Variants in PAPPA2 observed in about 807,000 individuals in gnomAD.
PAPPA2 encodes pappalysin-2.
PAPPA2 carries 86 observed loss-of-function variants against 176.4 expected under a neutral mutation model. The observed-to-expected ratio is 0.49, with a 90% confidence interval of 0.41 to 0.58. PAPPA2 has a LOEUF of 0.58. PAPPA2 is among the 20% of genes least tolerant of loss of function. The pLI is 0.00. For missense variants in PAPPA2, 2,073 were observed against 2,256.9 expected (o/e 0.92, Z 1.65); for synonymous variants, 809 against 852.2 (o/e 0.95, Z 0.88).
intron 3 of PAPPA2, chr1:176,616,862 A>C (rs565371319): frequency 1.2e-4 from 61 of 502,436 alleles, no homozygotes; most frequent in South Asian, 1.2e-3. Flanking sequence ...TGATTCAAAG[A>C]AACTGAAGTC....
At chr1:176,679,938 T>C (rs998574423) in intron 4 of PAPPA2, among the ~76,000 whole-genome samples, 4 of 152,158 alleles carry the variant, frequency 2.6e-5, no homozygotes, top group Non-Finnish European at 5.9e-5. Context: ...TGATGTTCAA[T>C]AGGGACTCCA....
intron 2 of PAPPA2, among the ~76,000 whole-genome samples, chr1:176,591,104 C>T (rs1653634616): frequency 6.6e-6 from 1 of 150,850 alleles, no homozygotes; most frequent in Non-Finnish European, 1.5e-5. Flanking sequence ...CACACACACA[C>T]ACACACACAC....
At position 176,692,172 on chromosome 1, in the gene PAPPA2, G is replaced by A. The variant is rs1324988774; in HGVS notation, c.2478G>A (p.Met826Ile). 3.7e-6 allele frequency: 6 copies of A among 1,614,078 alleles called. No homozygotes were observed. The highest frequency in any genetic ancestry group is 1.7e-5 in the Admixed American group (1 of 60,028). Residue 826 changes from methionine to isoleucine, a missense_variant, in exon 6 of 23, where the codon ATG (methionine) becomes ATA (isoleucine). By Grantham distance (10) the Met-to-Ile change is conservative. This residue lies in a region of PAPPA2 where 1,196 missense variants were observed against 1,330.4 expected (regional missense o/e 0.90). Transcript: ENST00000367662. ...TCACTCCTAACCAAGTGGCCCGAAT[G>A]CATTGCTATTTGGACCTAGTCTATC... ...DNFTPNQVARMHCYLDLVYQQ... is the reference protein window; with the variant it reads ...DNFTPNQVARIHCYLDLVYQQ...
chr1:176,578,902 G>A (rs1480458762), intron 2 of PAPPA2, among the ~76,000 whole-genome samples: 3 of 152,082 alleles, frequency 2.0e-5, no homozygotes, highest in East Asian at 1.9e-4. Flanking sequence ...CCCTTTTGTC[G>A]CTACCATAAA....
At chr1:176,495,914 T>C (rs564161343) in intron 1 of PAPPA2, among the ~76,000 whole-genome samples, 4 of 152,232 alleles carry the variant, frequency 2.6e-5, no homozygotes, top group African/African-American at 7.2e-5. Context: ...AGTATAGGCA[T>C]GAGCTATTAT....
chr1:176,722,419 CTTTTTTTT>C (rs34221424), intron 12 of PAPPA2, among the ~76,000 whole-genome samples: 1 of 124,032 alleles, frequency 8.1e-6, no homozygotes, highest in Admixed American at 8.3e-5. Context: ...TATACATTTC[CTTTTTTTT>C]TTTTTTTTTT....
At chr1:176,523,474 TC>T (rs1649313748) in intron 1 of PAPPA2, among the ~76,000 whole-genome samples, 1 of 152,192 alleles carries the variant, frequency 6.6e-6, no homozygotes, top group Non-Finnish European at 1.5e-5. Context: ...CATCACCAGC[TC>T]AACATTATTT....
chr1:176,515,343 G>A (rs1648848602), intron 1 of PAPPA2, among the ~76,000 whole-genome samples: 1 of 152,146 alleles, frequency 6.6e-6, no homozygotes, highest in South Asian at 2.1e-4. Context: ...ATGAGTGGGA[G>A]TTTGATAGCC....
At chr1:176,698,397 A>G (rs186211341) in intron 7 of PAPPA2, among the ~76,000 whole-genome samples, 4 of 152,334 alleles carry the variant, frequency 2.6e-5, no homozygotes, top group Admixed American at 2.6e-4. Flanking sequence ...CCATCACACG[A>G]CAGAAAAGAA....
chr1:176,507,929 T>C (rs962699255), intron 1 of PAPPA2, among the ~76,000 whole-genome samples: 1 of 151,782 alleles, frequency 6.6e-6, no homozygotes, highest in African/African-American at 2.4e-5. Context: ...AAAAATTATA[T>C]AAAAAGCAGA....
At chr1:176,537,138 C>G (rs937728009) in intron 1 of PAPPA2, among the ~76,000 whole-genome samples, 2 of 152,162 alleles carry the variant, frequency 1.3e-5, no homozygotes, top group African/African-American at 4.8e-5. Context: ...CTAAAGGAAA[C>G]TTTCTTTATA....
intron 2 of PAPPA2, among the ~76,000 whole-genome samples, chr1:176,580,735 T>A (rs997706279): frequency 1.3e-5 from 2 of 152,184 alleles, no homozygotes; most frequent in Non-Finnish European, 2.9e-5. Flanking sequence ...TAATTAATAA[T>A]GTTGAGCAGT....
intron 1 of PAPPA2, among the ~76,000 whole-genome samples, chr1:176,541,443 T>C (rs1347589516): frequency 6.6e-6 from 1 of 152,222 alleles, no homozygotes; most frequent in East Asian, 1.9e-4. Flanking sequence ...GTAGTTTTGA[T>C]GTCACAATCA....
chr1:176,533,794 T>C (rs1649933092), intron 1 of PAPPA2, among the ~76,000 whole-genome samples: 2 of 152,326 alleles, frequency 1.3e-5, no homozygotes, highest in South Asian at 4.1e-4. Context: ...ATGCTGATGG[T>C]GCTGCTCTCT....
chr1:176,613,289 G>A (rs1655032865), intron 3 of PAPPA2, among the ~76,000 whole-genome samples: 1 of 152,196 alleles, frequency 6.6e-6, no homozygotes, highest in South Asian at 2.1e-4. Flanking sequence ...GGTAAATTCT[G>A]AAAGACATAA....
intron 2 of PAPPA2, among the ~76,000 whole-genome samples, chr1:176,562,726 G>T (rs1651745970): frequency 1.3e-5 from 2 of 152,224 alleles, no homozygotes; most frequent in South Asian, 2.1e-4. Flanking sequence ...AGTACGAGTT[G>T]CACGAGTTGA....
intron 1 of PAPPA2, among the ~76,000 whole-genome samples, chr1:176,467,737 C>T (rs1331221989): frequency 6.6e-6 from 1 of 152,184 alleles, no homozygotes; most frequent in African/African-American, 2.4e-5. Flanking sequence ...ATTTGGGGAG[C>T]TAGGTTTGGC....
intron 1 of PAPPA2, among the ~76,000 whole-genome samples, chr1:176,518,701 G>T (rs979692402): frequency 4.6e-5 from 7 of 152,178 alleles, no homozygotes; most frequent in Non-Finnish European, 1.0e-4. Context: ...CCACATGTGT[G>T]TGGAAGTGTG....
intron 21 of PAPPA2, among the ~76,000 whole-genome samples, chr1:176,829,320 G>A (rs576900793): frequency 6.6e-6 from 1 of 152,230 alleles, no homozygotes; most frequent in African/African-American, 2.4e-5. Context: ...CAAACAGCAG[G>A]AGGGCCAAGA....
Sources: gnomAD v4.1 joint callset for allele counts (sites outside exome capture counted in the v4.1 genomes callset) on GRCh38, gnomAD v4.1.1 for gene constraint, gnomAD v4.1.1 regional missense constraint, MANE v1.5 for transcripts, NCBI Gene and HGNC (gene_info 2026-07-23, HGNC 2026-07-21) for gene names.